Variants in GRXCR1 observed in about 807,000 individuals in gnomAD.
The protein encoded by GRXCR1 is glutaredoxin domain-containing cysteine-rich protein 1.
In GRXCR1, 27 loss-of-function variants were observed where a neutral mutation model predicts 27.3. The observed-to-expected ratio is 0.99, with a 90% CI of 0.73 to 1.37. The LOEUF (loss-of-function observed/expected upper bound fraction) is 1.37. Among genes scored for constraint, GRXCR1 ranks in the 40% most tolerant of loss-of-function variants. GRXCR1 has a pLI of 0.00. For synonymous variants in GRXCR1, 122 were observed against 131.1 expected (o/e 0.93, Z 0.47); for missense variants, 379 against 354.4 (o/e 1.07, Z -0.56).
chr4:42,941,660 T>C (rs1474287793), intron 1 of GRXCR1, among the ~76,000 whole-genome samples: 1 of 151,952 alleles, frequency 6.6e-6, no homozygotes, highest in Non-Finnish European at 1.5e-5. Flanking sequence ...AGAAATAAGA[T>C]CTGGGACTTC....
chr4:42,991,317 C>G (rs1711965754), intron 2 of GRXCR1, among the ~76,000 whole-genome samples: 1 of 152,084 alleles, frequency 6.6e-6, no homozygotes, highest in South Asian at 2.1e-4. Flanking sequence ...ATAAATAGAA[C>G]TTAACCCATT....
At chr4:42,904,353 C>T (rs2109740519) in intron 1 of GRXCR1, among the ~76,000 whole-genome samples, 1 of 152,270 alleles carries the variant, frequency 6.6e-6, no homozygotes, top group African/African-American at 2.4e-5. Flanking sequence ...TTCTTAGGAG[C>T]AAGAGAAAAC....
intron 1 of GRXCR1, among the ~76,000 whole-genome samples, chr4:42,918,828 G>A (rs1577905200): frequency 6.6e-6 from 1 of 152,054 alleles, no homozygotes; most frequent in African/African-American, 2.4e-5. Context: ...CCTGTAGATA[G>A]AAGAGCTCCT....
chr4:42,973,294 G>T (rs1748430724), intron 2 of GRXCR1, among the ~76,000 whole-genome samples: 1 of 151,972 alleles, frequency 6.6e-6, no homozygotes, highest in African/African-American at 2.4e-5. Flanking sequence ...GCGTTATCTA[G>T]GCCCATTACT....
chr4:42,934,453 T>A (rs567126777), intron 1 of GRXCR1, among the ~76,000 whole-genome samples: 11 of 151,686 alleles, frequency 7.3e-5, no homozygotes, highest in African/African-American at 2.2e-4. Flanking sequence ...CTTGAACACA[T>A]GGATTAGCAC....
chr4:43,017,138 C>G (rs1712955469), intron 2 of GRXCR1, among the ~76,000 whole-genome samples: 1 of 152,142 alleles, frequency 6.6e-6, no homozygotes, highest in South Asian at 2.1e-4. Context: ...AAAGAAAGAA[C>G]TTGGACATTT....
intron 1 of GRXCR1, among the ~76,000 whole-genome samples, chr4:42,897,722 G>C (rs1348390253): frequency 6.6e-6 from 1 of 151,960 alleles, no homozygotes; most frequent in African/African-American, 2.4e-5. Context: ...GCTACTGAGA[G>C]GTATGAGCTG....
At chr4:42,960,198 G>A (rs1156967119) in intron 1 of GRXCR1, among the ~76,000 whole-genome samples, 1 of 151,868 alleles carries the variant, frequency 6.6e-6, no homozygotes, top group Non-Finnish European at 1.5e-5. Flanking sequence ...GACACATCTG[G>A]GAAAAGTATT....
chr4:42,952,353 T>A (rs1236551471), intron 1 of GRXCR1, among the ~76,000 whole-genome samples: 2 of 152,096 alleles, frequency 1.3e-5, no homozygotes, highest in Admixed American at 6.6e-5. Context: ...TGAGAGCCGT[T>A]AGCAAGCAAC....
chr4:42,963,864 A>G (rs1387041872), intron 2 of GRXCR1, among the ~76,000 whole-genome samples: 2 of 152,028 alleles, frequency 1.3e-5, no homozygotes, highest in Non-Finnish European at 2.9e-5. Flanking sequence ...AGCTGACTAC[A>G]TGATCACTTA....
chr4:43,027,009 A>G (rs751797846), intron 3 of GRXCR1, among the ~76,000 whole-genome samples: 6 of 152,346 alleles, frequency 3.9e-5, no homozygotes, highest in Non-Finnish European at 2.9e-5. Flanking sequence ...AAAACCTTAA[A>G]CCAGAAGGCG....
At chr4:42,981,478 A>G (rs1748667818) in intron 2 of GRXCR1, among the ~76,000 whole-genome samples, 1 of 152,174 alleles carries the variant, frequency 6.6e-6, no homozygotes, top group Non-Finnish European at 1.5e-5. Flanking sequence ...TGATGTACAA[A>G]CCACCATTAC....
chr4:42,924,722 C>A (rs573120572), intron 1 of GRXCR1, among the ~76,000 whole-genome samples: 104 of 152,152 alleles, frequency 6.8e-4, no homozygotes, highest in African/African-American at 2.5e-3. Flanking sequence ...GAGGCAAATA[C>A]TAATCAACCA....
chr4:42,969,730 G>T (rs1028686240), intron 2 of GRXCR1, among the ~76,000 whole-genome samples: 1 of 151,944 alleles, frequency 6.6e-6, no homozygotes, highest in African/African-American at 2.4e-5. Flanking sequence ...ATGAGATTTG[G>T]GTGGGGATAC....
At chr4:43,017,333 G>A (rs1429616233) in intron 2 of GRXCR1, among the ~76,000 whole-genome samples, 1 of 152,138 alleles carries the variant, frequency 6.6e-6, no homozygotes, top group Non-Finnish European at 1.5e-5. Context: ...TGAGCAGGCA[G>A]CTTGCAGGGT....
chr4:42,923,671 A>G (rs1159265750), intron 1 of GRXCR1, among the ~76,000 whole-genome samples: 1 of 152,062 alleles, frequency 6.6e-6, no homozygotes, highest in African/African-American at 2.4e-5. Flanking sequence ...TCCATCTGTC[A>G]CTGGGTAAGG....
intron 3 of GRXCR1, among the ~76,000 whole-genome samples, chr4:43,025,291 G>A (rs565175662): frequency 6.6e-6 from 1 of 152,298 alleles, no homozygotes; most frequent in South Asian, 2.1e-4. Flanking sequence ...AGACTCAGGG[G>A]TGAGGCTGAG....
intron 1 of GRXCR1, among the ~76,000 whole-genome samples, chr4:42,949,817 G>A (rs1395445676): frequency 6.6e-6 from 1 of 152,092 alleles, no homozygotes; most frequent in African/African-American, 2.4e-5. Context: ...GGGAATGGGG[G>A]TTTCCCTGAG....
intron 2 of GRXCR1, among the ~76,000 whole-genome samples, chr4:43,000,597 T>A (rs958603892): frequency 9.9e-5 from 15 of 152,116 alleles, no homozygotes; most frequent in Non-Finnish European, 2.1e-4. Context: ...TGCTGGAATA[T>A]TATTACAATT....
Sources: gnomAD v4.1 joint callset for allele counts (sites outside exome capture counted in the v4.1 genomes callset) on GRCh38, gnomAD v4.1.1 for gene constraint, MANE v1.5 for transcripts, NCBI Gene and HGNC (gene_info 2026-07-23, HGNC 2026-07-21) for gene names.